Variants in WDR31 observed in about 807,000 individuals in gnomAD.
The protein encoded by WDR31 is WD repeat-containing protein 31.
A neutral mutation model predicts 47.3 loss-of-function variants in WDR31; 30 were observed. That is an observed-to-expected ratio of 0.63 (90% CI 0.47 to 0.86). WDR31 has a LOEUF of 0.86. WDR31 is among the 40% of genes least tolerant of loss of function. The pLI, the probability that WDR31 is intolerant of heterozygous loss-of-function variation, is 0.00. For missense variants in WDR31, 406 were observed against 442.9 expected (o/e 0.92, Z 0.75); for synonymous variants, 137 against 159.4 (o/e 0.86, Z 1.06).
At chr9:113,337,599 G>A (rs1833744892) in intron 1 of WDR31, among the ~76,000 whole-genome samples, 1 of 151,724 alleles carries the variant, frequency 6.6e-6, no homozygotes, top group Admixed American at 6.6e-5. Flanking sequence ...CTGAGTAGCT[G>A]CGATTACAGG....
chr9:113,339,915 A>G (rs1450377512), intron 1 of WDR31, among the ~76,000 whole-genome samples: 1 of 151,992 alleles, frequency 6.6e-6, no homozygotes, highest in Non-Finnish European at 1.5e-5. Flanking sequence ...TTTGTATTTT[A>G]GTAGAGACAG....
At chr9:113,336,531 C>T (rs1488869369) in intron 1 of WDR31, 91 bp from the exon 2 acceptor site, 3 of 152,142 alleles carry the variant, frequency 2.0e-5, no homozygotes. Flanking sequence ...AAATATTTTA[C>T]AAAATTCCAA....
At chr9:113,328,736 T>G in intron 5 of WDR31, 145 bp downstream of exon 5, 1 of 703,310 alleles carries the variant, frequency 1.4e-6, no homozygotes, top group South Asian at 1.9e-5. Context: ...TTGCTCTGTT[T>G]CTCCTGAAGT....
chr9:113,323,256 C>T, intron 5 of WDR31, 101 bp from the exon 6 acceptor site: 1 of 1,391,320 alleles, frequency 7.2e-7, no homozygotes, highest in Non-Finnish European at 9.8e-7. Context: ...TCCCTCCCCA[C>T]ACACACTTCT....
In WDR31 at chr9:113,316,722, A is replaced by C. The variant is rs1053187347; in HGVS notation, c.*27T>G. 6.2e-7 allele frequency: 1 copy of C among 1,605,350 alleles called. No homozygotes were observed. Among genetic ancestry groups the C allele is most frequent in the African/African-American group, 1.3e-5 (1 of 74,752 alleles). On this transcript the variant is annotated 3_prime_UTR_variant, in exon 11 of 11. Coordinates refer to ENST00000374193, the MANE Select transcript of WDR31 (RefSeq NM_001012361.4). ...CATGCTGAGGAGGAGCCATGGTTTG[A>C]TATTGTCCAGTGAGTGTCTCTTGGC... is the stretch of plus-strand genomic sequence containing the variant.
chr9:113,333,769 C>A (rs187739566), intron 2 of WDR31, among the ~76,000 whole-genome samples: 3 of 151,952 alleles, frequency 2.0e-5, no homozygotes, highest in African/African-American at 7.3e-5. Flanking sequence ...AGAAATAATG[C>A]CACTAAATGA....
At chr9:113,325,267 T>G (rs534927229) in intron 5 of WDR31, among the ~76,000 whole-genome samples, 1 of 152,322 alleles carries the variant, frequency 6.6e-6, no homozygotes, top group East Asian at 1.9e-4. Context: ...GATATGTCTC[T>G]TTTAAACAAT....
intron 1 of WDR31, among the ~76,000 whole-genome samples, chr9:113,337,359 G>A (rs12352895): frequency 0.022 from 3,380 of 152,090 alleles, 134 homozygotes; most frequent in African/African-American, 0.077. Flanking sequence ...GTTACTACAG[G>A]TTGAGCATCT....
intron 2 of WDR31, among the ~76,000 whole-genome samples, chr9:113,334,202 C>T (rs930273770): frequency 1.3e-5 from 2 of 151,982 alleles, no homozygotes; most frequent in South Asian, 2.1e-4. Flanking sequence ...GACGGGGTTT[C>T]GCCAACTCCT....
intron 8 of WDR31, among the ~76,000 whole-genome samples, chr9:113,320,997 T>A (rs16932644): frequency 6.6e-6 from 1 of 152,174 alleles, no homozygotes; most frequent in East Asian, 1.9e-4. Flanking sequence ...TTTACCCCAT[T>A]CCTACCATTT....
Position 113,316,923 on chromosome 9 carries a change from G to A in WDR31, c.944-14C>T, listed in dbSNP as rs371850096. On this transcript the variant is annotated splice_polypyrimidine_tract_variant and intron_variant, in intron 10 of 10. Transcript: ENST00000374193. ...TGAAAAGGCAGGCTGGGGGGGAAAG[G>A]GGGACCAGCAGATTAGGCCAAGAGT... 106 of 1,612,294 alleles carry A rather than the reference G, an allele frequency of 6.6e-5. No homozygotes were observed. The highest frequency in any genetic ancestry group is 8.8e-5 in the Non-Finnish European group (104 of 1,179,318).
At chr9:113,320,851 G>T (rs1188557041) in intron 8 of WDR31, among the ~76,000 whole-genome samples, 1 of 152,198 alleles carries the variant, frequency 6.6e-6, no homozygotes, top group Non-Finnish European at 1.5e-5. Flanking sequence ...TTTTTAAAAA[G>T]ATACTTATTA....
rs139558278 is a variant in WDR31 at position 113,338,416 on chromosome 9, A to C, written c.-182+1801T>G. On this transcript the variant is annotated intron_variant, in intron 1 of 10. Transcript: ENST00000374193. ...GTTGTTGTAATTTATCATGAGTAGA[A>C]TAAGAAATAAAAGTACTACTAAGTT... Among the ~76,000 whole-genome samples, 904 of 152,328 alleles carry C rather than the reference A, an allele frequency of 5.9e-3. 10 individuals carry two copies. Among genetic ancestry groups the C allele is most frequent in the African/African-American group, 0.021 (859 of 41,572 alleles).
rs775400327 is a variant in WDR31 at position 113,331,980 on chromosome 9, T to C, written c.43A>G (p.Lys15Glu). ...ACGACACAAAACCTAAACGAAACCT[T>C]CTGTGGAGGAGCTTGTTTCAGTTGG... Reference protein sequence around the residue: ...RCQLKQAPPQKVSFRFCVVMG... With the variant: ...RCQLKQAPPQEVSFRFCVVMG... Residue 15 changes from lysine to glutamate, a missense_variant, in exon 3 of 11, where the codon AAG (lysine) becomes GAG (glutamate). Coordinates refer to ENST00000374193, the MANE Select transcript of WDR31 (RefSeq NM_001012361.4). 6.2e-7 allele frequency: 1 copy of C among 1,614,048 alleles called. No homozygotes were observed.
In WDR31 at chr9:113,319,778, T is replaced by C. The variant is rs530599097; in HGVS notation, c.780+579A>G. Reference sequence around the variant, plus strand: ...GCTTCTTTTACTGTGGCCACGCCTATAATGGGAATAAATCTGGTTCTTCAA... The same window carrying C: ...GCTTCTTTTACTGTGGCCACGCCTACAATGGGAATAAATCTGGTTCTTCAA... On this transcript the variant is annotated intron_variant, in intron 9 of 10. Coordinates refer to ENST00000374193, the MANE Select transcript of WDR31 (RefSeq NM_001012361.4). Among the ~76,000 whole-genome samples the C allele has an allele frequency of 2.8e-4, 42 of 152,302 alleles. 1 individual carries two copies. In the South Asian group the frequency reaches 6.2e-3, roughly 23 times the overall value.
chr9:113,317,711 G>A (rs1167382027), intron 10 of WDR31, among the ~76,000 whole-genome samples: 7 of 152,208 alleles, frequency 4.6e-5, no homozygotes, highest in Non-Finnish European at 1.0e-4. Context: ...GGACAGATTT[G>A]GTTTAAAGTT....
At chr9:113,333,422 C>G (rs1366139143) in intron 2 of WDR31, among the ~76,000 whole-genome samples, 2 of 144,136 alleles carry the variant, frequency 1.4e-5, no homozygotes, top group Admixed American at 7.0e-5. Context: ...TCGCCCAGGC[C>G]GGACTGCGGA....
intron 1 of WDR31, among the ~76,000 whole-genome samples, chr9:113,338,776 G>A (rs1389902369): frequency 6.6e-6 from 1 of 151,998 alleles, no homozygotes; most frequent in Non-Finnish European, 1.5e-5. Context: ...CTGCCACCAC[G>A]CCCAGCTAAT....
chr9:113,322,783 C>G, intron 7 of WDR31, 28 bp downstream of exon 7: 1 of 1,611,038 alleles, frequency 6.2e-7, no homozygotes, highest in Non-Finnish European at 8.5e-7. Context: ...TTCTGCTGCC[C>G]TGTTCTGTAC....
Sources: gnomAD v4.1 joint callset for allele counts (sites outside exome capture counted in the v4.1 genomes callset) on GRCh38, gnomAD v4.1.1 for gene constraint, MANE v1.5 for transcripts, NCBI Gene and HGNC (gene_info 2026-07-23, HGNC 2026-07-21) for gene names.